CNTNAP2: variants seen among roughly 807,000 people sequenced by gnomAD.
CNTNAP2 encodes contactin-associated protein-like 2.
CNTNAP2 carries 98 observed loss-of-function variants against 155.2 expected under a neutral mutation model. The observed-to-expected ratio is 0.63, with a 90% CI of 0.54 to 0.75. The LOEUF (loss-of-function observed/expected upper bound fraction) is 0.75. CNTNAP2 is among the 30% of genes least tolerant of loss of function. The pLI, the probability that CNTNAP2 is intolerant of heterozygous loss-of-function variation, is 0.00. For missense variants in CNTNAP2, 1,727 were observed against 1,688.1 expected, an observed-to-expected ratio of 1.02 and a Z score of -0.40; for synonymous variants, 651 against 631.2, an observed-to-expected ratio of 1.03 and a Z score of -0.47.
chr7:146,146,902 T>G (rs914690809), intron 1 of CNTNAP2, among the ~76,000 whole-genome samples: 1 of 152,184 alleles, frequency 6.6e-6, no homozygotes, highest in African/African-American at 2.4e-5. Flanking sequence ...GACAGGCAGC[T>G]GCGTTAGTGA....
chr7:147,906,092 GA>G (rs1443960821), intron 14 of CNTNAP2, among the ~76,000 whole-genome samples: 1 of 152,104 alleles, frequency 6.6e-6, no homozygotes, highest in Non-Finnish European at 1.5e-5. Context: ...CCAGGCTGGG[GA>G]ACTGTCTGTG....
At chr7:146,264,993 T>C (rs975780024) in intron 1 of CNTNAP2, among the ~76,000 whole-genome samples, 3 of 152,220 alleles carry the variant, frequency 2.0e-5, no homozygotes, top group African/African-American at 7.2e-5. Context: ...ATTATGAATG[T>C]GTACTTTAAT....
At chr7:148,388,081 A>G (rs1172169665) in intron 22 of CNTNAP2, among the ~76,000 whole-genome samples, 1 of 152,198 alleles carries the variant, frequency 6.6e-6, no homozygotes, top group East Asian at 1.9e-4. Context: ...AAATAACCAT[A>G]AAAATGGGCA....
chr7:147,395,849 A>T (rs1584923015), intron 10 of CNTNAP2, 69 bp downstream of exon 10: 10 of 1,561,642 alleles, frequency 6.4e-6, no homozygotes, highest in Non-Finnish European at 7.9e-6. Flanking sequence ...TTGTGAGACC[A>T]GTGAAACATC....
At chr7:147,917,528 G>T (rs1283268874) in intron 14 of CNTNAP2, among the ~76,000 whole-genome samples, 1 of 152,148 alleles carries the variant, frequency 6.6e-6, no homozygotes, top group African/African-American at 2.4e-5. Context: ...GAAAAGAGAG[G>T]AAAGAGAGCA....
intron 1 of CNTNAP2, among the ~76,000 whole-genome samples, chr7:146,758,743 G>A (rs1402847508): frequency 1.3e-5 from 2 of 152,120 alleles, no homozygotes; most frequent in Non-Finnish European, 2.9e-5. Flanking sequence ...CACAACAAGT[G>A]GAAATTGTGA....
At chr7:146,683,531 T>A (rs1800541996) in intron 1 of CNTNAP2, among the ~76,000 whole-genome samples, 1 of 152,254 alleles carries the variant, frequency 6.6e-6, no homozygotes, top group Non-Finnish European at 1.5e-5. Flanking sequence ...TTGGAAATTC[T>A]GTGTGTCATA....
chr7:147,790,381 A>G (rs887065534), intron 13 of CNTNAP2, among the ~76,000 whole-genome samples: 13 of 152,230 alleles, frequency 8.5e-5, no homozygotes, highest in Non-Finnish European at 1.9e-4. Context: ...ATGCCTGCAT[A>G]GAGGAACAGA....
chr7:147,051,182 A>G (rs915567251), intron 4 of CNTNAP2, among the ~76,000 whole-genome samples: 2 of 121,112 alleles, frequency 1.7e-5, no homozygotes, highest in Non-Finnish European at 1.5e-5. Flanking sequence ...ATACATATAT[A>G]TGTATATATA....
chr7:147,572,625 G>T (rs1800317243), intron 12 of CNTNAP2, among the ~76,000 whole-genome samples: 1 of 151,778 alleles, frequency 6.6e-6, no homozygotes, highest in Non-Finnish European at 1.5e-5. Flanking sequence ...AGGGACTGTT[G>T]TTTGATTACC....
chr7:148,135,417 T>C (rs915082455), intron 16 of CNTNAP2, among the ~76,000 whole-genome samples: 3 of 152,224 alleles, frequency 2.0e-5, no homozygotes, highest in African/African-American at 7.2e-5. Context: ...CACATTCTGA[T>C]CCACTGGCTT....
At chr7:146,434,547 G>T (rs1796215441) in intron 1 of CNTNAP2, among the ~76,000 whole-genome samples, 1 of 152,100 alleles carries the variant, frequency 6.6e-6, no homozygotes, top group South Asian at 2.1e-4. Flanking sequence ...AACAGAGTTT[G>T]CAGGCATGAT....
At chr7:147,544,587 G>A (rs942989342) in intron 11 of CNTNAP2, among the ~76,000 whole-genome samples, 7 of 151,854 alleles carry the variant, frequency 4.6e-5, no homozygotes, top group Admixed American at 6.6e-5. Context: ...TGACTTTCAT[G>A]GGCCCTAGAA....
chr7:146,421,873 A>G (rs1193478875), intron 1 of CNTNAP2, among the ~76,000 whole-genome samples: 2 of 145,916 alleles, frequency 1.4e-5, no homozygotes, highest in Non-Finnish European at 3.0e-5. Flanking sequence ...ACATGAATTT[A>G]TATATAAACA....
At chr7:146,602,261 A>T (rs373843474) in intron 1 of CNTNAP2, among the ~76,000 whole-genome samples, 15 of 152,322 alleles carry the variant, frequency 9.8e-5, no homozygotes, top group East Asian at 7.7e-4. Context: ...GGCGGCATCC[A>T]CTGAAAAGAT....
intron 17 of CNTNAP2, among the ~76,000 whole-genome samples, chr7:148,164,282 C>T (rs539607018): frequency 1.5e-3 from 222 of 152,230 alleles, no homozygotes; most frequent in African/African-American, 5.1e-3. Flanking sequence ...TGCTTCAGAC[C>T]TAAGAAACAA....
At chr7:147,623,563 T>C (rs1443710826) in intron 12 of CNTNAP2, among the ~76,000 whole-genome samples, 4 of 151,944 alleles carry the variant, frequency 2.6e-5, no homozygotes, top group Non-Finnish European at 1.5e-5. Flanking sequence ...AAGATCTCTA[T>C]AATGAAAAAT....
intron 1 of CNTNAP2, chr7:146,208,759 T>C (rs958064814): frequency 1.3e-5 from 2 of 152,172 alleles, no homozygotes; most frequent in African/African-American, 4.8e-5. Flanking sequence ...GCCATTATGG[T>C]CGCAGCTTGT....
chr7:147,547,440 A>T (rs998848189), intron 11 of CNTNAP2, among the ~76,000 whole-genome samples: 1 of 151,996 alleles, frequency 6.6e-6, no homozygotes, highest in Non-Finnish European at 1.5e-5. Flanking sequence ...TATTACATTC[A>T]ATCCCCTGGG....
Sources: allele counts gnomAD v4.1 joint callset (sites outside exome capture counted in the v4.1 genomes callset), GRCh38; gene constraint gnomAD v4.1.1; transcripts MANE v1.5; gene names NCBI Gene and HGNC (gene_info 2026-07-23, HGNC 2026-07-21).